CX3CL1: variants seen among roughly 807,000 people sequenced by gnomAD.
CX3CL1 encodes fractalkine.
A neutral mutation model predicts 14.1 loss-of-function variants in CX3CL1; 1 was observed. That is an observed-to-expected ratio of 0.07 (90% CI 0.03 to 0.34). CX3CL1 has a LOEUF of 0.34. Ranked by LOEUF, CX3CL1 falls within the 10% of genes least tolerant of loss-of-function variation. CX3CL1 has a pLI of 0.99. For synonymous variants in CX3CL1, 255 were observed against 229.6 expected, an observed-to-expected ratio of 1.11 and a Z score of -1.00; for missense variants, 505 against 536.4, an observed-to-expected ratio of 0.94 and a Z score of 0.58.
Position 57,382,798 on chromosome 16 carries a change from C to A in CX3CL1, c.960C>A (p.Asp320Glu), listed in dbSNP as rs765975099. ...AGGAACCCATCCATGCCACCATGGA[C>A]CCCCAGAGGCTGGGCGTCCTTATCA... ...KAEEPIHATM[D>E]PQRLGVLITP... Residue 320 changes from aspartate to glutamate, a missense_variant, in exon 3 of 3, where the codon GAC (aspartate) becomes GAA (glutamate). Transcript: ENST00000006053. The surrounding 1 kb of genome is among the most constrained non-coding windows in gnomAD (Gnocchi z 6.9). 2 of 1,603,336 alleles carry A rather than the reference C, an allele frequency of 1.2e-6. No homozygotes were observed. The highest frequency in any genetic ancestry group is 8.5e-7 in the Non-Finnish European group (1 of 1,174,456).
At chr16:57,373,998 C>A (rs1207908288) in intron 1 of CX3CL1, among the ~76,000 whole-genome samples, 1 of 151,980 alleles carries the variant, frequency 6.6e-6, no homozygotes, top group African/African-American at 2.4e-5. Context: ...ACTGGGGGAC[C>A]CTGGGTGCTC....
Position 57,372,619 on chromosome 16 carries a change from T to C in CX3CL1, c.51T>C (p.His17=). 6.2e-7 allele frequency: 1 copy of C among 1,613,636 alleles called. No individual in the cohort carries two copies. The highest frequency in any genetic ancestry group is 8.5e-7 in the Non-Finnish European group (1 of 1,179,964). The change falls in exon 1 of 3, where the codon CAT becomes CAC. Residue 17 remains histidine, a synonymous_variant. Transcript: ENST00000006053. ...TGCTCCGCTTGGCCACCTTCTGCCA[T>C]CTGACTGTCCTGCTGGCTGGTAAGT... ...SWLLRLATFC[H]LTVLLAGQHH... is the part of the protein sequence containing the mutation.
At chr16:57,379,470 G>C (rs1743033174) in intron 1 of CX3CL1, 164 bp from the exon 2 acceptor site, 1 of 663,286 alleles carries the variant, frequency 1.5e-6, no homozygotes, top group Non-Finnish European at 2.5e-6. Flanking sequence ...CTGAGGCATA[G>C]AGAAGTTTGG....
chr16:57,374,341 GAGGCTT>G (rs1450453421), intron 1 of CX3CL1, among the ~76,000 whole-genome samples: 2 of 152,026 alleles, frequency 1.3e-5, no homozygotes, highest in Admixed American at 1.3e-4. Context: ...TGTCAGGCAG[GAGGCTT>G]CTGTACTTTA....
chr16:57,380,614 T>C (rs891141711), intron 2 of CX3CL1, among the ~76,000 whole-genome samples: 15 of 151,472 alleles, frequency 9.9e-5, no homozygotes, highest in African/African-American at 3.6e-4. Context: ...GTGCTGTCAG[T>C]AGGAGCTGCA....
chr16:57,372,596 C>T lies in CX3CL1; in HGVS notation c.28C>T (p.Leu10Phe), dbSNP rs779273242. 6.2e-6 allele frequency: 10 copies of T among 1,613,256 alleles called. No homozygotes were observed. The highest frequency in any genetic ancestry group is 8.5e-6 in the Non-Finnish European group (10 of 1,179,964). ...GGCTCCGATATCTCTGTCGTGGCTG[C>T]TCCGCTTGGCCACCTTCTGCCATCT... is the stretch of plus-strand genomic sequence containing the variant. MAPISLSWL[L>F]RLATFCHLTV... is the part of the protein sequence containing the mutation. The change falls in exon 1 of 3, where the codon CTC becomes TTC. Residue 10 changes from leucine (L) to phenylalanine (F), a missense_variant. By Grantham distance (22) the Leu-to-Phe change is conservative. Transcript: ENST00000006053.
In CX3CL1 at chr16:57,382,482, C is replaced by A. The variant is rs745357281; in HGVS notation, c.644C>A (p.Thr215Asn). ...PGPSLWAEAK[T>N]SEAPSTQDPS... ...CCCAGCCTCTGGGCTGAGGCAAAGACCTCTGAGGCCCCGTCCACCCAGGAC... is the reference window on the plus strand; with the variant it reads ...CCCAGCCTCTGGGCTGAGGCAAAGAACTCTGAGGCCCCGTCCACCCAGGAC... The change falls in exon 3 of 3, where the codon ACC becomes AAC. Residue 215 changes from threonine to asparagine, a missense_variant. Coordinates refer to ENST00000006053, the MANE Select transcript of CX3CL1 (RefSeq NM_002996.6). The surrounding 1 kb of genome is among the most constrained non-coding windows in gnomAD (Gnocchi z 6.9). 4 of 1,612,638 alleles carry A rather than the reference C, an allele frequency of 2.5e-6. No homozygotes were observed. In the South Asian group the frequency reaches 3.3e-5, roughly 13 times the overall value.
At position 57,382,833 on chromosome 16, in the gene CX3CL1, C is replaced by T. The variant is rs1222226701; in HGVS notation, c.995C>T (p.Pro332Leu). 2 of 1,567,036 alleles carry T rather than the reference C, an allele frequency of 1.3e-6. No individual in the cohort carries two copies. The highest frequency in any genetic ancestry group is 1.8e-5 in the Admixed American group (1 of 54,462). The stretch of plus-strand genomic sequence containing the variant: ...CTGGGCGTCCTTATCACTCCTGTCC[C>T]TGACGCCCAGGCTGCCACCCGGAGG... ...QRLGVLITPVPDAQAATRRQA... is the reference protein window; with the variant it reads ...QRLGVLITPVLDAQAATRRQA... The change falls in exon 3 of 3, where the codon CCT (proline) becomes CTT (leucine). Residue 332 changes from proline to leucine, a missense_variant. Physicochemically the swap from Pro to Leu is moderately conservative, Grantham distance 98. Coordinates refer to ENST00000006053, the MANE Select transcript of CX3CL1 (RefSeq NM_002996.6). This position sits in a 1 kb window ranked among gnomAD's most constrained non-coding sequence, Gnocchi z 6.9.
chr16:57,382,712 T>A lies in CX3CL1; in HGVS notation c.874T>A (p.Ser292Thr). The change falls in exon 3 of 3, where the codon TCC becomes ACC. Residue 292 changes from serine to threonine, a missense_variant. Transcript: ENST00000006053. The surrounding 1 kb of genome is among the most constrained non-coding windows in gnomAD (Gnocchi z 6.9). ...GGCCCACGTCTCTGTGGTCCCTGTC[T>A]CCTCAGAAGGGACCCCCAGCAGGGA... ...SMAHVSVVPV[S>T]SEGTPSREPV... is the part of the protein sequence containing the mutation. 3 of 1,612,606 alleles carry A rather than the reference T, an allele frequency of 1.9e-6. No homozygotes were observed. The highest frequency in any genetic ancestry group is 2.5e-6 in the Non-Finnish European group (3 of 1,179,222).
intron 2 of CX3CL1, 36 bp from the exon 3 acceptor site, chr16:57,381,994 T>G: frequency 2.0e-6 from 3 of 1,536,008 alleles, no homozygotes. Context: ...TTCTGGTATC[T>G]GGGCATAACC....
intron 1 of CX3CL1, among the ~76,000 whole-genome samples, chr16:57,376,173 G>T (rs1327571247): frequency 1.3e-5 from 2 of 152,222 alleles, no homozygotes; most frequent in Non-Finnish European, 2.9e-5. Flanking sequence ...TGTCCATCAG[G>T]CTGGGAGCCT....
chr16:57,379,595 A>C, intron 1 of CX3CL1, 39 bp from the exon 2 acceptor site: 3 of 1,613,770 alleles, frequency 1.9e-6, no homozygotes, highest in Non-Finnish European at 8.5e-7. Flanking sequence ...CCAGATGCCC[A>C]CAGACATCCC....
chr16:57,379,682 CA>C lies in CX3CL1; in HGVS notation c.120del (p.Ser41GlnfsTer5). 1 of 1,614,220 alleles carries C rather than the reference CA, an allele frequency of 6.2e-7. No homozygotes were observed. Among genetic ancestry groups the C allele is most frequent in the Non-Finnish European group, 8.5e-7 (1 of 1,180,006 alleles). On this transcript the variant is annotated frameshift_variant, in exon 2 of 3. Coordinates refer to ENST00000006053, the MANE Select transcript of CX3CL1 (RefSeq NM_002996.6). LOFTEE classifies it high-confidence loss of function. ...TGCAACATCACGTGCAGCAAGATGA[CA>C]TCAAAGATACCTGTAGCTTTGCTCA... ...TKCNITCSKM[T>X]SKIPVALLIH...
rs1388360888 is a variant in CX3CL1, at chr16:57,382,340, A to C, written c.502A>C (p.Arg168=). ...PTGVTGSSGT[R]LPPTPKAQDG... is the part of the protein sequence containing the mutation. Reference sequence around the variant, plus strand: ...GGGCGTGACTGGTTCCTCAGGGACCAGGCTCCCCCCGACGCCAAAGGCTCA... The same window carrying C: ...GGGCGTGACTGGTTCCTCAGGGACCCGGCTCCCCCCGACGCCAAAGGCTCA... The change falls in exon 3 of 3, where the codon AGG becomes CGG. Residue 168 remains arginine, a synonymous_variant. Transcript: ENST00000006053. This position sits in a 1 kb window ranked among gnomAD's most constrained non-coding sequence, Gnocchi z 6.9. 4 of 1,606,796 alleles carry C rather than the reference A, an allele frequency of 2.5e-6. No homozygotes were observed. The South Asian group carries it at 4.4e-5, about 18-fold the overall frequency.
At chr16:57,375,050 G>A (rs891298171) in intron 1 of CX3CL1, among the ~76,000 whole-genome samples, 1 of 151,354 alleles carries the variant, frequency 6.6e-6, no homozygotes, top group Non-Finnish European at 1.5e-5. Context: ...TGAGGCAAGA[G>A]AATCGCTTGA....
intron 2 of CX3CL1, among the ~76,000 whole-genome samples, chr16:57,380,557 C>CA (rs1342883809): frequency 6.6e-6 from 1 of 151,314 alleles, no homozygotes; most frequent in East Asian, 1.9e-4. Context: ...GACTCCATCT[C>CA]AAAAAAAAGA....
chr16:57,379,779 G>A, intron 2 of CX3CL1, 25 bp downstream of exon 2: 1 of 1,613,678 alleles, frequency 6.2e-7, no homozygotes, highest in Non-Finnish European at 8.5e-7. Flanking sequence ...CGAGGCCTCT[G>A]AAATCCCCTT....
At chr16:57,379,973 G>T (rs1349281537) in intron 2 of CX3CL1, among the ~76,000 whole-genome samples, 2 of 152,222 alleles carry the variant, frequency 1.3e-5, no homozygotes, top group Non-Finnish European at 2.9e-5. Context: ...ATGGCCCAGT[G>T]TGGCTGGGTG....
Position 57,382,584 on chromosome 16 carries a change from G to A in CX3CL1, c.746G>A (p.Gly249Asp). The A allele has an allele frequency of 6.2e-7, 1 of 1,614,038 alleles. No homozygotes were observed. The highest frequency in any genetic ancestry group is 8.5e-7 in the Non-Finnish European group (1 of 1,179,936). Residue 249 changes from glycine to aspartate, a missense_variant, in exon 3 of 3, where the codon GGT becomes GAT. Gly to Asp is a moderately conservative substitution (Grantham distance 94). Coordinates refer to ENST00000006053, the MANE Select transcript of CX3CL1 (RefSeq NM_002996.6). This position sits in a 1 kb window ranked among gnomAD's most constrained non-coding sequence, Gnocchi z 6.9. ...CCGTCTGAAGGCCAGCGTGTGTGGGGTCAGGGACAGAGCCCCAGGCCAGAG... is the reference window on the plus strand; with the variant it reads ...CCGTCTGAAGGCCAGCGTGTGTGGGATCAGGGACAGAGCCCCAGGCCAGAG... Reference protein sequence around the residue: ...NAPSEGQRVWGQGQSPRPENS... With the variant: ...NAPSEGQRVWDQGQSPRPENS...
Sources: allele counts gnomAD v4.1 joint callset (sites outside exome capture counted in the v4.1 genomes callset), GRCh38; gene constraint gnomAD v4.1.1; non-coding constraint Gnocchi (gnomAD v3.1); transcripts MANE v1.5; gene names NCBI Gene and HGNC (gene_info 2026-07-23, HGNC 2026-07-21).